Variants in SBF1 observed in about 807,000 individuals in gnomAD.
The protein encoded by SBF1 is myotubularin-related protein 5.
Under a neutral mutation model 215.8 loss-of-function variants are expected in SBF1, and 65 were observed. The ratio of observed to expected loss-of-function variants is 0.30; its 90% confidence interval spans 0.25 to 0.37. SBF1 has a LOEUF of 0.37. Ranked by LOEUF, SBF1 falls within the 10% of genes least tolerant of loss-of-function variation. The pLI, the probability that SBF1 is intolerant of heterozygous loss-of-function variation, is 1.00. For synonymous variants in SBF1, 1,410 were observed against 1,122.8 expected (o/e 1.26, Z -5.11); for missense variants, 2,634 against 2,667.8 (o/e 0.99, Z 0.28).
intron 25 of SBF1, 47 bp from the exon 26 acceptor site, chr22:50,460,206 C>G (rs1251101934): frequency 4.4e-6 from 7 of 1,604,386 alleles, no homozygotes; most frequent in Non-Finnish European, 6.0e-6. Context: ...ACTCCGCCTG[C>G]CCTGATCCTC....
chr22:50,474,857 C>T lies in SBF1; in HGVS notation c.-17G>A. The T allele has an allele frequency of 7.2e-7, 1 of 1,392,982 alleles. No homozygotes were observed. The highest frequency in any genetic ancestry group is 3.2e-5 in the Admixed American group (1 of 31,098). The allele number at this position is 1,392,982 out of a possible 1,614,324, so 86.3% of individuals were successfully genotyped here. On this transcript the variant is annotated 5_prime_UTR_variant, in exon 1 of 41. Coordinates refer to ENST00000380817, the MANE Select transcript of SBF1 (RefSeq NM_002972.4). ...CCGCGCCATGGCGAGGGACGCGGGG[C>T]GGCCCGAGGGGCGCGGGCGGGCTCC...
In SBF1 at chr22:50,464,344, C is replaced by A. The variant is rs757701114; in HGVS notation, c.1734G>T (p.Met578Ile). 10 of 1,613,736 alleles carry A rather than the reference C, an allele frequency of 6.2e-6. No homozygotes were observed. In the Admixed American group the frequency reaches 6.7e-5, roughly 11 times the overall value. Residue 578 changes from methionine (M) to isoleucine (I), a missense_variant, in exon 15 of 41, where the codon ATG becomes ATT. Physicochemically the swap from Met to Ile is conservative, Grantham distance 10. Coordinates refer to ENST00000380817, the MANE Select transcript of SBF1 (RefSeq NM_002972.4). ...CAGCCCTCACCTTCTTGGCCTCAAG[C>A]ATTTTCCCCTCAAACACGTAGGAGA... ...NCISYVFEGK[M>I]LEAKKLLPAV...
Position 50,463,396 on chromosome 22 carries a change from C to T in SBF1, c.1786G>A (p.Ala596Thr). The change falls in exon 16 of 41, where the codon GCT becomes ACT. Residue 596 changes from alanine to threonine, a missense_variant. Coordinates refer to ENST00000380817, the MANE Select transcript of SBF1 (RefSeq NM_002972.4). ...TCCTGGGCGAGGCAGCGGCGGGCAGCTCGCCCCTTCAGGGCCCTCAACACG... is the reference window on the plus strand; with the variant it reads ...TCCTGGGCGAGGCAGCGGCGGGCAGTTCGCCCCTTCAGGGCCCTCAACACG... ...PAVLRALKGR[A>T]ARRCLAQELH... The T allele has an allele frequency of 6.3e-7, 1 of 1,590,064 alleles. No individual in the cohort carries two copies. The highest frequency in any genetic ancestry group is 8.6e-7 in the Non-Finnish European group (1 of 1,167,404).
rs775031992 is a variant in SBF1, at chr22:50,446,849, C to T, written c.*293G>A. 46 of 731,090 alleles carry T rather than the reference C, an allele frequency of 6.3e-5. No homozygotes were observed. The highest frequency in any genetic ancestry group is 2.3e-4 in the Middle Eastern group (1 of 4,306). The allele number at this position is 731,090 out of a possible 1,614,324, so 45.3% of individuals were successfully genotyped here. A position where few individuals can be genotyped will look rare whatever the true frequency, so the allele number is the denominator to read the frequency against. ...TATATAGACTCTGGTTCTAGAAACTCGCCTGCAGCCGCTGGCTGGACCAGC... is the reference window on the plus strand; with the variant it reads ...TATATAGACTCTGGTTCTAGAAACTTGCCTGCAGCCGCTGGCTGGACCAGC... On this transcript the variant is annotated 3_prime_UTR_variant, in exon 41 of 41. Coordinates refer to ENST00000380817, the MANE Select transcript of SBF1 (RefSeq NM_002972.4).
chr22:50,460,298 G>T lies in SBF1; in HGVS notation c.3257C>A (p.Pro1086His). The T allele has an allele frequency of 6.2e-7, 1 of 1,609,890 alleles. No individual in the cohort carries two copies. ...PSWEHRGQPP[P>H]EDQEDEISVS... ...TGAGATCTCGTCCTCCTGGTCCTCA[G>T]GGGGCGGCTGGCCCCGGTGCTCCCA... Residue 1086 changes from proline to histidine, a missense_variant, in exon 25 of 41, where the codon CCT becomes CAT. Coordinates refer to ENST00000380817, the MANE Select transcript of SBF1 (RefSeq NM_002972.4).
Position 50,447,505 on chromosome 22 carries a change from AC to A in SBF1, c.5451+16del. On this transcript the variant is annotated intron_variant, in intron 39 of 40. Transcript: ENST00000380817. ...GCCCCCTCCCCCGTGAGTCCCCCCC[AC>A]CACCTGATCACTCACCTGGTGCTTG... 1 of 1,038,866 alleles carries A rather than the reference AC, an allele frequency of 9.6e-7. No individual in the cohort carries two copies. The highest frequency in any genetic ancestry group is 1.3e-5 in the South Asian group (1 of 79,294). 64.4% of individuals were successfully genotyped at this position (1,038,866 alleles called of 1,614,324 possible). A position where few individuals can be genotyped will look rare whatever the true frequency, so the allele number is the denominator to read the frequency against.
rs1569513120 is a variant in SBF1 at position 50,464,321 on chromosome 22, G to GC, written c.1749+7dup. ...CCCTGGCCCGGCTGGAGCCTGCACA[G>GC]CCCTCACCTTCTTGGCCTCAAGCAT... On this transcript the variant is annotated splice_region_variant and intron_variant, in intron 15 of 40. Coordinates refer to ENST00000380817, the MANE Select transcript of SBF1 (RefSeq NM_002972.4). 1 of 1,609,080 alleles carries GC rather than the reference G, an allele frequency of 6.2e-7. No homozygotes were observed.
At chr22:50,453,299 C>G (rs1007019128) in intron 36 of SBF1, among the ~76,000 whole-genome samples, 1 of 152,322 alleles carries the variant, frequency 6.6e-6, no homozygotes, top group Middle Eastern at 3.4e-3. Context: ...ATGAGCATCG[C>G]TAGAGAGAAA....
Position 50,445,556 on chromosome 22 carries a change from T to G in SBF1, c.*1586A>C, listed in dbSNP as rs529935024. 6.6e-6 allele frequency: 1 copy of G among 152,310 alleles called. No homozygotes were observed. The highest frequency in any genetic ancestry group is 2.1e-4 in the South Asian group (1 of 4,832). The allele number at this position is 152,310 out of a possible 1,614,324, so 9.4% of individuals were successfully genotyped here. A position where few individuals can be genotyped will look rare whatever the true frequency, so the allele number is the denominator to read the frequency against. The stretch of plus-strand genomic sequence containing the variant: ...CGCCGCCTACCCTGTGCCTGGCATT[T>G]GTCCTCTCCCCCCACAGACGTGGAA... On this transcript the variant is annotated 3_prime_UTR_variant, in exon 41 of 41. Coordinates refer to ENST00000380817, the MANE Select transcript of SBF1 (RefSeq NM_002972.4).
In SBF1 at chr22:50,461,147, AC is replaced by A. The variant is rs774285337; in HGVS notation, c.2967+11del. On this transcript the variant is annotated intron_variant, in intron 23 of 40. Transcript: ENST00000380817. ...CGGGGGATGAGAGCCCCACCCGCGC[AC>A]CGCGCCCCACCTGGAATGTGCAGGA... The A allele has an allele frequency of 6.3e-7, 1 of 1,586,682 alleles. No individual in the cohort carries two copies. Among genetic ancestry groups the A allele is most frequent in the Admixed American group, 1.8e-5 (1 of 56,746 alleles).
intron 36 of SBF1, 39 bp downstream of exon 36, chr22:50,454,473 G>T: frequency 6.5e-7 from 1 of 1,546,576 alleles, no homozygotes. Context: ...CGAGAGGAGG[G>T]GGGTGCCAGG....
In SBF1 at chr22:50,463,054, C is replaced by T; in HGVS notation, c.1900-116G>A. The T allele has an allele frequency of 2.4e-6, 3 of 1,225,124 alleles. No homozygotes were observed. The South Asian group carries it at 3.9e-5, about 16-fold the overall frequency. The allele number at this position is 1,225,124 out of a possible 1,614,324, so 75.9% of individuals were successfully genotyped here. ...GACCAGCACCTGACACCCTTGGCTC[C>T]AGCTCCCCAAGGCTGCCTCAGAGGC... On this transcript the variant is annotated intron_variant, in intron 16 of 40. Transcript: ENST00000380817.
rs369167161 is a variant in SBF1 at position 50,464,730 on chromosome 22, C to T, written c.1440G>A (p.Pro480=). The T allele has an allele frequency of 3.5e-5, 56 of 1,607,146 alleles. No homozygotes were observed. The highest frequency in any genetic ancestry group is 1.3e-4 in the Admixed American group (8 of 59,850). ...LAEQLYKNEN[P]YPAVAMHKVQ... is the part of the protein sequence containing the mutation. ...CCTTGTGCATCGCCACGGCTGGGTA[C>T]GGGTTCTCCTGTGGGGAGACGGCAG... is the stretch of plus-strand genomic sequence containing the variant. The change falls in exon 14 of 41, where the codon CCG becomes CCA. Residue 480 remains proline, a synonymous_variant. Transcript: ENST00000380817.
rs781173161 is a variant in SBF1, at chr22:50,462,828, A to AG, written c.1968+41dup. ...GGGAAGGAGACCTCAGCCACCAGGA[A>AG]GGGGGGGCTGGGAAGGAGACCTCAG... On this transcript the variant is annotated intron_variant, in intron 17 of 40. Coordinates refer to ENST00000380817, the MANE Select transcript of SBF1 (RefSeq NM_002972.4). 1.1e-5 allele frequency: 18 copies of AG among 1,605,714 alleles called. No homozygotes were observed. In the African/African-American group the frequency reaches 1.7e-4, roughly 16 times the overall value.
At chr22:50,466,565 C>G (rs1235790261) in intron 6 of SBF1, 40 bp downstream of exon 6, 1 of 1,532,894 alleles carries the variant, frequency 6.5e-7, no homozygotes, top group Middle Eastern at 1.7e-4. Context: ...CTACCAGTCC[C>G]CGAGGGGAAG....
chr22:50,469,521 C>T (rs776286373), intron 1 of SBF1, among the ~76,000 whole-genome samples: 6 of 152,198 alleles, frequency 3.9e-5, no homozygotes, highest in East Asian at 1.9e-4. Flanking sequence ...GTGTGGCTCC[C>T]GCAGCAGGAC....
At chr22:50,452,663 A>C (rs1451656373) in intron 36 of SBF1, among the ~76,000 whole-genome samples, 1 of 135,092 alleles carries the variant, frequency 7.4e-6, no homozygotes, top group African/African-American at 2.8e-5. Flanking sequence ...CAGAGGTTGC[A>C]GTGAACCGAG....
At chr22:50,448,792 G>C in intron 36 of SBF1, 142 bp from the exon 37 acceptor site, 1 of 634,822 alleles carries the variant, frequency 1.6e-6, no homozygotes, top group Admixed American at 2.9e-5. Context: ...GGTGGCAAGA[G>C]GGAGGGAAGG....
At chr22:50,452,660 T>TGCAGTGAACCGAGATC (rs1009109083) in intron 36 of SBF1, among the ~76,000 whole-genome samples, 26 of 136,796 alleles carry the variant, frequency 1.9e-4, no homozygotes, top group Non-Finnish European at 3.3e-4. Context: ...AGGCAGAGGT[T>TGCAGTGAACCGAGATC]GCAGTGAACC....
Sources: allele counts gnomAD v4.1 joint callset (sites outside exome capture counted in the v4.1 genomes callset), GRCh38; gene constraint gnomAD v4.1.1; transcripts MANE v1.5; gene names NCBI Gene and HGNC (gene_info 2026-07-23, HGNC 2026-07-21).